PITPNC1: variants seen among roughly 807,000 people sequenced by gnomAD.
The protein encoded by PITPNC1 is phosphatidylinositol transfer protein cytoplasmic 1.
In PITPNC1, 18 loss-of-function variants were observed where a neutral mutation model predicts 44.7. The ratio of observed to expected loss-of-function variants is 0.40; its 90% confidence interval spans 0.28 to 0.60. PITPNC1 has a LOEUF of 0.60. Among genes scored for constraint, PITPNC1 ranks in the 20% least tolerant of loss-of-function variants. The pLI, the probability that PITPNC1 is intolerant of heterozygous loss-of-function variation, is 0.39. For synonymous variants in PITPNC1, 141 were observed against 149.6 expected (o/e 0.94, Z 0.42); for missense variants, 290 against 418.4 (o/e 0.69, Z 2.68).
chr17:67,490,981 A>G (rs2039857168), intron 1 of PITPNC1, among the ~76,000 whole-genome samples: 1 of 152,190 alleles, frequency 6.6e-6, no homozygotes, highest in Non-Finnish European at 1.5e-5. Flanking sequence ...TTTCCTCTCT[A>G]GATTAGCACA....
At chr17:67,486,610 A>G (rs1054174525) in intron 1 of PITPNC1, among the ~76,000 whole-genome samples, 10 of 152,182 alleles carry the variant, frequency 6.6e-5, no homozygotes, top group Non-Finnish European at 1.0e-4. Context: ...ATAAGCAAAG[A>G]GGTCTTCTCC....
chr17:67,406,375 T>C (rs1004870752), intron 1 of PITPNC1, among the ~76,000 whole-genome samples: 7 of 152,148 alleles, frequency 4.6e-5, no homozygotes, highest in Non-Finnish European at 7.3e-5. Flanking sequence ...CCCATTTCCC[T>C]GTTTCCCCAA....
At chr17:67,679,473 A>C (rs1354835770) in intron 8 of PITPNC1, among the ~76,000 whole-genome samples, 1 of 152,222 alleles carries the variant, frequency 6.6e-6, no homozygotes, top group Non-Finnish European at 1.5e-5. Flanking sequence ...CACAAACTGT[A>C]CACACTGATG....
chr17:67,398,768 C>T (rs1265614301), intron 1 of PITPNC1, among the ~76,000 whole-genome samples: 1 of 151,846 alleles, frequency 6.6e-6, no homozygotes, highest in African/African-American at 2.4e-5. Flanking sequence ...CACCAGTTGT[C>T]GTATAAAATC....
chr17:67,631,322 G>A (rs1200142281), intron 5 of PITPNC1, among the ~76,000 whole-genome samples: 1 of 150,582 alleles, frequency 6.6e-6, no homozygotes, highest in Non-Finnish European at 1.5e-5. Context: ...TTTTATTTGT[G>A]AAACTAAATA....
At chr17:67,456,638 T>A (rs1304452818) in intron 1 of PITPNC1, among the ~76,000 whole-genome samples, 1 of 152,144 alleles carries the variant, frequency 6.6e-6, no homozygotes, top group Non-Finnish European at 1.5e-5. Flanking sequence ...ACCCAGTTTT[T>A]TTCTTATTTA....
In PITPNC1 at chr17:67,524,270, C is replaced by A. The variant is rs1241858650; in HGVS notation, c.49-8532C>A. 2.6e-5 allele frequency among the ~76,000 whole-genome samples: 4 copies of A among 151,978 alleles called. No homozygotes were observed. The South Asian group carries it at 8.3e-4, about 32-fold the overall frequency. On this transcript the variant is annotated intron_variant, in intron 1 of 8. Transcript: ENST00000581322. ...CCAGCCTGGGCAACATAGCAAGATA[C>A]CATCTCTACAGAAAAAATACAAAAC...
intron 5 of PITPNC1, among the ~76,000 whole-genome samples, chr17:67,622,256 CAAAAA>C (rs536282843): frequency 1.1e-5 from 1 of 91,762 alleles, no homozygotes; most frequent in Non-Finnish European, 2.4e-5. Flanking sequence ...GACTGCATCT[CAAAAA>C]AAAAAAAAAA....
chr17:67,638,626 G>T (rs2042059257), intron 6 of PITPNC1: 1 of 152,206 alleles, frequency 6.6e-6, no homozygotes, highest in Non-Finnish European at 1.5e-5. Context: ...TTGTGTGTGT[G>T]TGCTTCCTTT....
chr17:67,453,411 AAG>A lies in PITPNC1; in HGVS notation c.48+75212_48+75213del, dbSNP rs1256176729. On this transcript the variant is annotated intron_variant, in intron 1 of 8. Transcript: ENST00000581322. The stretch of plus-strand genomic sequence containing the variant: ...AAAGAAACTCAATCTCGAAATGACT[AAG>A]AGCTTGTGGAGCAGCTTGGGAGAGA... Among the ~76,000 whole-genome samples, 3 of 152,296 alleles carry A rather than the reference AAG, an allele frequency of 2.0e-5. No individual in the cohort carries two copies. The East Asian group carries it at 5.8e-4, about 29-fold the overall frequency.
chr17:67,518,464 A>G (rs995897300), intron 1 of PITPNC1, among the ~76,000 whole-genome samples: 1 of 137,302 alleles, frequency 7.3e-6, no homozygotes, highest in South Asian at 2.3e-4. Flanking sequence ...GGTTTAAATA[A>G]ATAATGGGGT....
intron 6 of PITPNC1, among the ~76,000 whole-genome samples, chr17:67,643,388 AAAAG>A (rs986843174): frequency 2.6e-5 from 4 of 152,204 alleles, no homozygotes; most frequent in South Asian, 2.1e-4. Flanking sequence ...TTTGTCTCAA[AAAAG>A]AAAGAAAGAA....
At chr17:67,584,691 C>G (rs2041287485) in intron 5 of PITPNC1, among the ~76,000 whole-genome samples, 2 of 152,162 alleles carry the variant, frequency 1.3e-5, no homozygotes, top group Non-Finnish European at 2.9e-5. Context: ...TAACTGCACT[C>G]ATGATGATTT....
chr17:67,652,791 C>T (rs141044880), intron 6 of PITPNC1, among the ~76,000 whole-genome samples: 5 of 152,232 alleles, frequency 3.3e-5, no homozygotes, highest in East Asian at 3.9e-4. Flanking sequence ...GAAGAGTGAC[C>T]GCGGAACCTA....
rs149102723 is a variant in PITPNC1 at position 67,532,410 on chromosome 17, A to G, written c.49-392A>G. 3.6e-3 allele frequency among the ~76,000 whole-genome samples: 544 copies of G among 152,238 alleles called. 1 individual carries two copies. Among genetic ancestry groups the G allele is most frequent in the African/African-American group, 0.013 (522 of 41,554 alleles). On this transcript the variant is annotated intron_variant, in intron 1 of 8. Transcript: ENST00000581322. ...TCAGCAATTTTGCTAATTAGGCAGA[A>G]AGCAGGGGCAGAAATCACACACCCT...
At chr17:67,407,813 CA>C (rs1381155567) in intron 1 of PITPNC1, among the ~76,000 whole-genome samples, 3 of 151,058 alleles carry the variant, frequency 2.0e-5, no homozygotes, top group South Asian at 2.1e-4. Flanking sequence ...AAAAGAAAAA[CA>C]AAAAAAACTA....
intron 4 of PITPNC1, 83 bp from the exon 5 acceptor site, chr17:67,578,103 C>A: frequency 2.2e-6 from 2 of 916,128 alleles, no homozygotes; most frequent in Non-Finnish European, 3.6e-6. Context: ...AACCAAATGG[C>A]CAGGAAAGTA....
chr17:67,673,966 C>CAAAAAA (rs34458518), intron 7 of PITPNC1, among the ~76,000 whole-genome samples: 18 of 84,778 alleles, frequency 2.1e-4, no homozygotes, highest in East Asian at 7.2e-4. Flanking sequence ...GACTCCGTCT[C>CAAAAAA]AAAAAAAAAA....
chr17:67,672,125 G>C (rs1221550645), intron 7 of PITPNC1, among the ~76,000 whole-genome samples: 2 of 151,584 alleles, frequency 1.3e-5, no homozygotes, highest in African/African-American at 4.9e-5. Context: ...GTAGAGACGG[G>C]GTTTCACCAT....
Sources: gnomAD v4.1 joint callset for allele counts (sites outside exome capture counted in the v4.1 genomes callset) on GRCh38, gnomAD v4.1.1 for gene constraint, MANE v1.5 for transcripts, NCBI Gene and HGNC (gene_info 2026-07-23, HGNC 2026-07-21) for gene names.